ANKRD13C: variants seen among roughly 807,000 people sequenced by gnomAD.
The protein encoded by ANKRD13C is ankyrin repeat domain-containing protein 13C.
Under a neutral mutation model 65.5 loss-of-function variants are expected in ANKRD13C, and 16 were observed. That is an observed-to-expected ratio of 0.24 (90% CI 0.17 to 0.37). ANKRD13C has a LOEUF of 0.37. ANKRD13C is among the 10% of genes least tolerant of loss of function. The probability of loss-of-function intolerance (pLI) is 1.00; values close to 1 mark genes in which losing one functional copy is unlikely to be tolerated. For synonymous variants in ANKRD13C, 235 were observed against 238.7 expected (o/e 0.98, Z 0.14); for missense variants, 503 against 655.9 (o/e 0.77, Z 2.55).
rs566659137 is a variant in ANKRD13C, at chr1:70,339,909, G to C, written c.431-3810C>G. On this transcript the variant is annotated intron_variant, in intron 1 of 12. Transcript: ENST00000370944. Reference sequence around the variant, plus strand: ...CTGTCACCCAGGCTGGAGTATAGTGGCAAAATCATGGCTCACTGCAGCCTC... The same window carrying C: ...CTGTCACCCAGGCTGGAGTATAGTGCCAAAATCATGGCTCACTGCAGCCTC... Among the ~76,000 whole-genome samples, 3 of 150,182 alleles carry C rather than the reference G, an allele frequency of 2.0e-5. No homozygotes were observed. The South Asian group carries it at 6.3e-4, about 31-fold the overall frequency.
intron 1 of ANKRD13C, among the ~76,000 whole-genome samples, chr1:70,339,300 T>C (rs1439537510): frequency 2.0e-5 from 3 of 151,310 alleles, no homozygotes; most frequent in African/African-American, 4.8e-5. Flanking sequence ...AAGATTTACT[T>C]TGAGCTATCA....
intron 11 of ANKRD13C, among the ~76,000 whole-genome samples, chr1:70,273,027 T>TAA (rs1244661729): frequency 7.7e-6 from 1 of 129,166 alleles, no homozygotes; most frequent in African/African-American, 2.9e-5. Flanking sequence ...ATAAATAAAA[T>TAA]AATAAAATAA....
chr1:70,335,982 C>A, intron 2 of ANKRD13C, 76 bp downstream of exon 2: 2 of 448,936 alleles, frequency 4.5e-6, no homozygotes, highest in South Asian at 6.8e-5. Flanking sequence ...ACTCAAAAGA[C>A]AAAACTGATC....
chr1:70,299,481 A>G (rs188015403), intron 7 of ANKRD13C, among the ~76,000 whole-genome samples: 237 of 152,368 alleles, frequency 1.6e-3, no homozygotes, highest in African/African-American at 5.2e-3. Flanking sequence ...GGGAGCCAGG[A>G]AGATCATTTA....
Position 70,264,666 on chromosome 1 carries a change from A to C in ANKRD13C, c.1496-1819T>G, listed in dbSNP as rs938846111. Among the ~76,000 whole-genome samples the C allele has an allele frequency of 2.0e-5, 3 of 152,142 alleles. No individual in the cohort carries two copies. The East Asian group carries it at 5.8e-4, about 29-fold the overall frequency. On this transcript the variant is annotated intron_variant, in intron 12 of 12. Coordinates refer to ENST00000370944, the MANE Select transcript of ANKRD13C (RefSeq NM_030816.5). The stretch of plus-strand genomic sequence containing the variant: ...TAAGATATTTATTATCTTTCAGACA[A>C]AGTTTGCTGACCCCGTTCTAGGTTT...
chr1:70,354,248 A>C lies in ANKRD13C; in HGVS notation c.161T>G (p.Phe54Cys). Residue 54 changes from phenylalanine to cysteine, a missense_variant, in exon 1 of 13, where the codon TTC (phenylalanine) becomes TGC (cysteine). Physicochemically the swap from Phe to Cys is radical, Grantham distance 205 (BLOSUM62 -2). This residue lies in a region of ANKRD13C where 203 missense variants were observed against 177.6 expected (regional missense o/e 1.14). Transcript: ENST00000370944. ...GKGGKACHKI[F>C]SNHHHRLQLK... ...CTGTAGCCGGTGGTGATGGTTACTG[A>C]AGATCTTATGACAAGCTTTGCCGCC... is the stretch of plus-strand genomic sequence containing the variant. The C allele has an allele frequency of 6.2e-7, 1 of 1,613,550 alleles. No homozygotes were observed. Among genetic ancestry groups the C allele is most frequent in the Non-Finnish European group, 8.5e-7 (1 of 1,179,986 alleles).
At chr1:70,309,353 G>A (rs1480794025) in intron 5 of ANKRD13C, among the ~76,000 whole-genome samples, 2 of 150,816 alleles carry the variant, frequency 1.3e-5, no homozygotes, top group African/African-American at 4.9e-5. Flanking sequence ...GGATTACGGC[G>A]TGAGCCACTG....
chr1:70,333,902 T>G (rs924801754), intron 2 of ANKRD13C, among the ~76,000 whole-genome samples: 2 of 152,192 alleles, frequency 1.3e-5, no homozygotes, highest in South Asian at 4.1e-4. Flanking sequence ...TTCTCTAACA[T>G]GTAGCCTTTT....
intron 12 of ANKRD13C, among the ~76,000 whole-genome samples, chr1:70,269,250 T>A: frequency 6.6e-6 from 1 of 152,186 alleles, no homozygotes; most frequent in Non-Finnish European, 1.5e-5. Flanking sequence ...GTTAAAAATG[T>A]GGTTCTACAT....
chr1:70,312,957 A>G (rs976988327), intron 5 of ANKRD13C, among the ~76,000 whole-genome samples: 2 of 152,208 alleles, frequency 1.3e-5, no homozygotes, highest in Middle Eastern at 3.2e-3. Context: ...ACTGGAATCA[A>G]TGTTCAACCA....
At chr1:70,270,635 A>G (rs1246650831) in intron 12 of ANKRD13C, among the ~76,000 whole-genome samples, 1 of 152,118 alleles carries the variant, frequency 6.6e-6, no homozygotes, top group Non-Finnish European at 1.5e-5. Flanking sequence ...TCCTACAAGA[A>G]TCTAATGCCA....
At chr1:70,284,906 C>T (rs186583723) in intron 9 of ANKRD13C, among the ~76,000 whole-genome samples, 28 of 152,096 alleles carry the variant, frequency 1.8e-4, no homozygotes, top group Admixed American at 1.1e-3. Flanking sequence ...TAGCCAGCTA[C>T]GAAAGACATC....
At position 70,341,822 on chromosome 1, in the gene ANKRD13C, C is replaced by T. The variant is rs1365036088; in HGVS notation, c.431-5723G>A. 2.0e-5 allele frequency among the ~76,000 whole-genome samples: 3 copies of T among 152,064 alleles called. No homozygotes were observed. In the East Asian group the frequency reaches 5.8e-4, roughly 29 times the overall value. ...ACTGTAGCAGGAAAGTGGCATGATA[C>T]AAATTACATTTTAAAATCATTCTTG... On this transcript the variant is annotated intron_variant, in intron 1 of 12. Coordinates refer to ENST00000370944, the MANE Select transcript of ANKRD13C (RefSeq NM_030816.5).
chr1:70,269,013 A>G (rs975229443), intron 12 of ANKRD13C, among the ~76,000 whole-genome samples: 2 of 150,160 alleles, frequency 1.3e-5, no homozygotes, highest in African/African-American at 4.9e-5. Context: ...AGCATTAGGT[A>G]TATCTCCCAA....
intron 7 of ANKRD13C, among the ~76,000 whole-genome samples, chr1:70,297,118 AG>A (rs765672714): frequency 6.6e-6 from 1 of 152,054 alleles, no homozygotes. Flanking sequence ...AGACGTTATA[AG>A]GAAGAAAAAA....
chr1:70,347,825 C>G (rs529036958), intron 1 of ANKRD13C, among the ~76,000 whole-genome samples: 1 of 152,294 alleles, frequency 6.6e-6, no homozygotes, highest in African/African-American at 2.4e-5. Context: ...CATTTCACCA[C>G]CAAATCACCC....
chr1:70,335,700 AATATT>A (rs1572162173), intron 2 of ANKRD13C, among the ~76,000 whole-genome samples: 1 of 149,522 alleles, frequency 6.7e-6, no homozygotes, highest in Admixed American at 6.7e-5. Flanking sequence ...ATATATATAA[AATATT>A]ATATATTAAA....
Position 70,353,963 on chromosome 1 carries a change from G to A in ANKRD13C, c.430+16C>T. The A allele has an allele frequency of 6.6e-7, 1 of 1,514,308 alleles. No individual in the cohort carries two copies. Among genetic ancestry groups the A allele is most frequent in the African/African-American group, 1.4e-5 (1 of 72,104 alleles). The allele number at this position is 1,514,308 out of a possible 1,614,324, so 93.8% of individuals were successfully genotyped here. Reference sequence around the variant, plus strand: ...TCGGGGAAGGAGAGAGGTGGAGAGGGGCTAGCACTCCTCACCGTGATTATC... The same window carrying A: ...TCGGGGAAGGAGAGAGGTGGAGAGGAGCTAGCACTCCTCACCGTGATTATC... On this transcript the variant is annotated intron_variant, in intron 1 of 12. Coordinates refer to ENST00000370944, the MANE Select transcript of ANKRD13C (RefSeq NM_030816.5).
intron 9 of ANKRD13C, among the ~76,000 whole-genome samples, chr1:70,277,314 C>T (rs180778164): frequency 3.8e-4 from 58 of 151,928 alleles, no homozygotes; most frequent in Non-Finnish European, 6.8e-4. Flanking sequence ...AAGAATTATC[C>T]GGGCGTGATG....
Sources: gnomAD v4.1 joint callset for allele counts (sites outside exome capture counted in the v4.1 genomes callset) on GRCh38, gnomAD v4.1.1 for gene constraint, gnomAD v4.1.1 regional missense constraint, MANE v1.5 for transcripts, NCBI Gene and HGNC (gene_info 2026-07-23, HGNC 2026-07-21) for gene names.